Variants in LEMD3 observed in about 807,000 individuals in gnomAD.
The protein encoded by LEMD3 is inner nuclear membrane protein Man1.
Under a neutral mutation model 95.2 loss-of-function variants are expected in LEMD3, and 33 were observed. The ratio of observed to expected loss-of-function variants is 0.35; its 90% CI spans 0.26 to 0.46. The LOEUF (loss-of-function observed/expected upper bound fraction) is 0.46, where lower values mean the gene tolerates loss of function less well. Ranked by LOEUF, LEMD3 falls within the 20% of genes least tolerant of loss-of-function variation. The pLI is 1.00. For missense variants in LEMD3, 1,210 were observed against 1,192.8 expected (o/e 1.01, Z -0.21); for synonymous variants, 525 against 474.6 (o/e 1.11, Z -1.38).
intron 1 of LEMD3, among the ~76,000 whole-genome samples, chr12:65,184,999 G>C (rs1483875991): frequency 6.6e-6 from 1 of 151,552 alleles, no homozygotes; most frequent in Non-Finnish European, 1.5e-5. Context: ...TTTTGAAAGA[G>C]ATGTGTCTTG....
chr12:65,207,305 A>G (rs773841394), intron 1 of LEMD3, among the ~76,000 whole-genome samples: 4 of 152,148 alleles, frequency 2.6e-5, no homozygotes. Flanking sequence ...GCATGTGCAT[A>G]GTACACAGTA....
At chr12:65,222,015 T>G (rs1370707292) in intron 4 of LEMD3, among the ~76,000 whole-genome samples, 1 of 152,144 alleles carries the variant, frequency 6.6e-6, no homozygotes, top group African/African-American at 2.4e-5. Context: ...AGTGCTGGGA[T>G]TATAAGTGTG....
intron 1 of LEMD3, among the ~76,000 whole-genome samples, chr12:65,178,491 T>C (rs1868798830): frequency 1.3e-5 from 2 of 152,196 alleles, no homozygotes; most frequent in Non-Finnish European, 2.9e-5. Flanking sequence ...TTTTTTTCAC[T>C]AAGGCAAGTT....
At chr12:65,244,566 G>A (rs537916193) in intron 10 of LEMD3, among the ~76,000 whole-genome samples, 2 of 152,064 alleles carry the variant, frequency 1.3e-5, no homozygotes, top group East Asian at 1.9e-4. Context: ...TGTTAGTCCT[G>A]TATCAATTAT....
At position 65,246,678 on chromosome 12, in the gene LEMD3, C is replaced by T. The variant is rs1871118475; in HGVS notation, c.*353C>T. The T allele has an allele frequency of 3.9e-6, 1 of 257,208 alleles. No individual in the cohort carries two copies. Among genetic ancestry groups the T allele is most frequent in the Admixed American group, 5.1e-5 (1 of 19,494 alleles). The allele number at this position is 257,208 out of a possible 1,614,324, so 15.9% of individuals were successfully genotyped here. On this transcript the variant is annotated 3_prime_UTR_variant, in exon 13 of 13. Transcript: ENST00000308330. ...CATGATGAAAAGGCTTCTTGTAGTC[C>T]CATAATTTCTTGTGAACTAATGTTG...
At chr12:65,171,323 CATG>C (rs1868544845) in intron 1 of LEMD3, 3 of 799,904 alleles carry the variant, frequency 3.8e-6, no homozygotes, top group Non-Finnish European at 5.7e-6. Flanking sequence ...AAGTTTTCTG[CATG>C]ATGTATTGTG....
chr12:65,202,537 T>G (rs1028051872), intron 1 of LEMD3, among the ~76,000 whole-genome samples: 1 of 152,156 alleles, frequency 6.6e-6, no homozygotes, highest in Admixed American at 6.5e-5. Flanking sequence ...ATGAGAGATA[T>G]TGGTCTGAAG....
rs1311759939 is a variant in LEMD3, at chr12:65,171,129, A to C, written c.1522+11A>C. The C allele has an allele frequency of 6.2e-7, 1 of 1,608,010 alleles. No individual in the cohort carries two copies. Among genetic ancestry groups the C allele is most frequent in the Non-Finnish European group, 8.5e-7 (1 of 1,180,006 alleles). ...ATGGAGAACTCAGCAGTAAGTATTAAATCCTGTGGGTAAGGTAACAAAGAG... is the reference window on the plus strand; with the variant it reads ...ATGGAGAACTCAGCAGTAAGTATTACATCCTGTGGGTAAGGTAACAAAGAG... On this transcript the variant is annotated intron_variant, in intron 1 of 12. Coordinates refer to ENST00000308330, the MANE Select transcript of LEMD3 (RefSeq NM_014319.5).
chr12:65,241,126 A>G, intron 9 of LEMD3, 39 bp downstream of exon 9: 1 of 1,554,868 alleles, frequency 6.4e-7, no homozygotes, highest in Non-Finnish European at 8.9e-7. Flanking sequence ...ATTTTCTTCT[A>G]ATTTTTCAAA....
chr12:65,194,822 G>GATTATAATTTATAA (rs1565784556), intron 1 of LEMD3, among the ~76,000 whole-genome samples: 5 of 136,784 alleles, frequency 3.7e-5, no homozygotes, highest in Admixed American at 7.5e-5. Context: ...TTATACTTTA[G>GATTATAATTTATAA]ATTATAATTT....
chr12:65,194,471 C>T (rs145032005), intron 1 of LEMD3, among the ~76,000 whole-genome samples: 83 of 151,626 alleles, frequency 5.5e-4, no homozygotes, highest in African/African-American at 1.9e-3. Flanking sequence ...GCAATCATAG[C>T]GGTGTGGAAA....
chr12:65,227,671 G>C (rs536044847), intron 4 of LEMD3, among the ~76,000 whole-genome samples: 1 of 151,664 alleles, frequency 6.6e-6, no homozygotes, highest in African/African-American at 2.4e-5. Context: ...TTGCAGCCCA[G>C]GATGGCTTTG....
intron 1 of LEMD3, among the ~76,000 whole-genome samples, chr12:65,205,591 A>G (rs1869737307): frequency 6.6e-6 from 1 of 152,124 alleles, no homozygotes; most frequent in Admixed American, 6.6e-5. Context: ...AGAATAGTTT[A>G]TTTGAAAACA....
chr12:65,190,820 A>G (rs1057159925), intron 1 of LEMD3, among the ~76,000 whole-genome samples: 1 of 152,176 alleles, frequency 6.6e-6, no homozygotes, highest in Non-Finnish European at 1.5e-5. Flanking sequence ...AAAAATAGAA[A>G]TACTTGGTTA....
In LEMD3 at chr12:65,169,829, C is replaced by T. The variant is rs1868453899; in HGVS notation, c.233C>T (p.Ala78Val). 2.7e-6 allele frequency: 4 copies of T among 1,474,318 alleles called. No individual in the cohort carries two copies. The highest frequency in any genetic ancestry group is 1.4e-5 in the African/African-American group (1 of 69,862). The allele number at this position is 1,474,318 out of a possible 1,614,324, so 91.3% of individuals were successfully genotyped here. The change falls in exon 1 of 13, where the codon GCC becomes GTC. Residue 78 changes from alanine (A) to valine (V), a missense_variant. By Grantham distance (64) the Ala-to-Val change is moderately conservative. This residue lies in a region of LEMD3 where 749 missense variants were observed against 622.9 expected (regional missense o/e 1.20). Transcript: ENST00000308330. ...NNNTAAATVA[A>V]AGPAAAAAAG... ...AACACGGCAGCCGCCACGGTCGCAG[C>T]CGCGGGACCAGCGGCGGCGGCGGCC... is the stretch of plus-strand genomic sequence containing the variant.
At chr12:65,207,534 A>G (rs2136333962) in intron 1 of LEMD3, among the ~76,000 whole-genome samples, 1 of 152,260 alleles carries the variant, frequency 6.6e-6, no homozygotes, top group Non-Finnish European at 1.5e-5. Flanking sequence ...AAATTGGAGA[A>G]GAAAAACATT....
In LEMD3 at chr12:65,200,389, G is replaced by A. The variant is rs565670800; in HGVS notation, c.1523-10537G>A. ...TCTGGTTCAATAAATCTGTGCTTTCGTTGCTTCATTCTTTTGTTGCTTTGT... is the reference window on the plus strand; with the variant it reads ...TCTGGTTCAATAAATCTGTGCTTTCATTGCTTCATTCTTTTGTTGCTTTGT... On this transcript the variant is annotated intron_variant, in intron 1 of 12. Transcript: ENST00000308330. 3.0e-4 allele frequency among the ~76,000 whole-genome samples: 46 copies of A among 152,106 alleles called. No homozygotes were observed. In the South Asian group the frequency reaches 8.7e-3, roughly 29 times the overall value.
intron 1 of LEMD3, among the ~76,000 whole-genome samples, chr12:65,176,372 T>G (rs1352204761): frequency 1.3e-5 from 2 of 152,246 alleles, no homozygotes; most frequent in African/African-American, 2.4e-5. Context: ...TTTCTACCTT[T>G]GCACAGGTTA....
intron 1 of LEMD3, among the ~76,000 whole-genome samples, chr12:65,185,922 A>C (rs949754692): frequency 3.3e-5 from 5 of 152,016 alleles, no homozygotes; most frequent in Non-Finnish European, 4.4e-5. Flanking sequence ...GGAGTTTTCT[A>C]TCTCTCTAAG....
Sources: allele counts gnomAD v4.1 joint callset (sites outside exome capture counted in the v4.1 genomes callset), GRCh38; gene constraint gnomAD v4.1.1; regional missense constraint gnomAD v4.1.1; transcripts MANE v1.5; gene names NCBI Gene and HGNC (gene_info 2026-07-23, HGNC 2026-07-21).